FBXL17: variants seen among roughly 807,000 people sequenced by gnomAD.
FBXL17 encodes F-box and leucine rich repeat protein 17, also known as F-box/LRR-repeat protein 17.
In FBXL17, 22 loss-of-function variants were observed where a neutral mutation model predicts 66.2. The observed-to-expected ratio is 0.33, with a 90% confidence interval of 0.24 to 0.47. FBXL17 has a LOEUF of 0.47. Among genes scored for constraint, FBXL17 ranks in the 20% least tolerant of loss-of-function variants. The probability of loss-of-function intolerance (pLI) is 1.00; values close to 1 mark genes in which losing one functional copy is unlikely to be tolerated. For synonymous variants in FBXL17, 474 were observed against 400.5 expected (o/e 1.18, Z -2.19); for missense variants, 878 against 948.2 (o/e 0.93, Z 0.97).
intron 8 of FBXL17, among the ~76,000 whole-genome samples, chr5:107,875,227 G>A (rs1048184269): frequency 6.6e-6 from 1 of 151,980 alleles, no homozygotes; most frequent in African/African-American, 2.4e-5. Context: ...GTCCCTGCAG[G>A]TATATGCTTT....
At chr5:107,959,478 C>A (rs183359179) in intron 7 of FBXL17, among the ~76,000 whole-genome samples, 2 of 151,862 alleles carry the variant, frequency 1.3e-5, no homozygotes, top group Admixed American at 1.3e-4. Context: ...TTGTGCCCCA[C>A]CTGCCTTCGC....
chr5:108,155,485 A>C (rs1487843609), intron 6 of FBXL17, among the ~76,000 whole-genome samples: 1 of 152,174 alleles, frequency 6.6e-6, no homozygotes, highest in Non-Finnish European at 1.5e-5. Context: ...ACTGCACTCC[A>C]GCCTGGGTGA....
rs1019363083 is a variant in FBXL17 at position 107,927,379 on chromosome 5, C to T, written c.1823-46200G>A. Among the ~76,000 whole-genome samples the T allele has an allele frequency of 5.9e-5, 9 of 152,208 alleles. No homozygotes were observed. In the South Asian group the frequency reaches 8.3e-4, roughly 14 times the overall value. On this transcript the variant is annotated intron_variant, in intron 7 of 8. Coordinates refer to ENST00000542267, the MANE Select transcript of FBXL17 (RefSeq NM_001163315.3). ...CTACTCTGACTCTAGAGTTACTTTC[C>T]TAAAGAAGTGGATGTTGTAGACGGC...
intron 6 of FBXL17, among the ~76,000 whole-genome samples, chr5:108,055,588 G>A (rs1356194495): frequency 1.7e-4 from 19 of 112,004 alleles, no homozygotes; most frequent in Admixed American, 1.1e-3. Context: ...TAGCCTGGGC[G>A]ACACAGCGAG....
chr5:107,957,382 TC>T (rs1325676548), intron 7 of FBXL17, among the ~76,000 whole-genome samples: 1 of 151,968 alleles, frequency 6.6e-6, no homozygotes, highest in African/African-American at 2.4e-5. Flanking sequence ...CAAGATTTTT[TC>T]CCATTGGTTA....
In FBXL17 at chr5:107,882,878, T is replaced by C. The variant is rs80061058; in HGVS notation, c.1823-1699A>G. On this transcript the variant is annotated intron_variant, in intron 7 of 8. Coordinates refer to ENST00000542267, the MANE Select transcript of FBXL17 (RefSeq NM_001163315.3). ...TGGTAGATTTTGTGCAGTTGTTTCA[T>C]TGAGGTCTGAGGCTAGAACACGAAA... is the stretch of plus-strand genomic sequence containing the variant. Among the ~76,000 whole-genome samples, 807 of 152,260 alleles carry C rather than the reference T, an allele frequency of 5.3e-3. 13 individuals carry two copies. Among genetic ancestry groups the C allele is most frequent in the African/African-American group, 0.019 (784 of 41,568 alleles).
chr5:107,907,858 T>A (rs1342858430), intron 7 of FBXL17, among the ~76,000 whole-genome samples: 1 of 151,976 alleles, frequency 6.6e-6, no homozygotes, highest in East Asian at 1.9e-4. Flanking sequence ...GACTGTAAAC[T>A]AGTTCAACCA....
intron 7 of FBXL17, among the ~76,000 whole-genome samples, chr5:107,987,187 TTTGA>T (rs566032471): frequency 2.3e-4 from 35 of 152,130 alleles, no homozygotes; most frequent in African/African-American, 5.1e-4. Flanking sequence ...TGTACAGTCC[TTTGA>T]TTATTTTTTA....
At chr5:108,298,570 T>C (rs1758444481) in intron 4 of FBXL17, 1 of 954,830 alleles carries the variant, frequency 1.0e-6, no homozygotes, top group African/African-American at 1.8e-5. Context: ...GTCTGAGAGA[T>C]GGGAAACAAT....
At chr5:108,206,157 A>G (rs1268909574) in intron 5 of FBXL17, among the ~76,000 whole-genome samples, 1 of 152,186 alleles carries the variant, frequency 6.6e-6, no homozygotes, top group Non-Finnish European at 1.5e-5. Flanking sequence ...CTGCAAAATT[A>G]TAATTTTCTA....
At chr5:107,971,098 AG>A (rs1752354923) in intron 7 of FBXL17, among the ~76,000 whole-genome samples, 1 of 152,208 alleles carries the variant, frequency 6.6e-6, no homozygotes, top group African/African-American at 2.4e-5. Context: ...TTGATATATG[AG>A]GGAACAATTT....
intron 1 of FBXL17, among the ~76,000 whole-genome samples, chr5:108,372,171 T>C (rs376162175): frequency 6.6e-5 from 10 of 152,312 alleles, no homozygotes; most frequent in South Asian, 4.1e-4. Context: ...ATCATATCTC[T>C]TTCTTGAGAA....
At chr5:108,333,524 A>C (rs1760233467) in intron 4 of FBXL17, among the ~76,000 whole-genome samples, 1 of 152,310 alleles carries the variant, frequency 6.6e-6, no homozygotes, top group South Asian at 2.1e-4. Context: ...AACCTGAATA[A>C]AATGTGGCAG....
chr5:108,182,947 T>C (rs745482873), intron 6 of FBXL17, among the ~76,000 whole-genome samples: 11 of 151,936 alleles, frequency 7.2e-5, no homozygotes, highest in Non-Finnish European at 1.3e-4. Flanking sequence ...AATTATAGTA[T>C]CTCCCATTAA....
intron 6 of FBXL17, among the ~76,000 whole-genome samples, chr5:108,145,671 T>G (rs1751525725): frequency 6.6e-6 from 1 of 152,120 alleles, no homozygotes; most frequent in Non-Finnish European, 1.5e-5. Context: ...ATAGTGAGAA[T>G]TATTCTAAAC....
intron 6 of FBXL17, among the ~76,000 whole-genome samples, chr5:108,031,213 C>G (rs954052638): frequency 6.6e-6 from 1 of 152,068 alleles, no homozygotes; most frequent in Non-Finnish European, 1.5e-5. Flanking sequence ...AGAAATAATA[C>G]TCCATATATT....
intron 5 of FBXL17, among the ~76,000 whole-genome samples, chr5:108,193,598 G>A (rs1322523779): frequency 6.6e-6 from 1 of 152,032 alleles, no homozygotes. Flanking sequence ...CTCAGCTAGG[G>A]TATTAAAATG....
At chr5:107,977,359 A>G (rs1411034152) in intron 7 of FBXL17, among the ~76,000 whole-genome samples, 1 of 152,244 alleles carries the variant, frequency 6.6e-6, no homozygotes, top group Non-Finnish European at 1.5e-5. Flanking sequence ...GTGCCCTACT[A>G]TAATGCTAGG....
At chr5:107,996,212 TTCTC>T in intron 7 of FBXL17, among the ~76,000 whole-genome samples, 1 of 152,312 alleles carries the variant, frequency 6.6e-6, no homozygotes, top group East Asian at 1.9e-4. Flanking sequence ...CTCCCTTCCT[TTCTC>T]TACCAGCCTA....
Sources: gnomAD v4.1 joint callset for allele counts (sites outside exome capture counted in the v4.1 genomes callset) on GRCh38, gnomAD v4.1.1 for gene constraint, MANE v1.5 for transcripts, NCBI Gene and HGNC (gene_info 2026-07-23, HGNC 2026-07-21) for gene names.